The following CPA6 variants were observed in gnomAD, a reference collection of about 807,000 sequenced individuals.
The protein encoded by CPA6 is carboxypeptidase A6, also known as carboxypeptidase B.
Under a neutral mutation model 63.3 loss-of-function variants are expected in CPA6, and 58 were observed. The ratio of observed to expected loss-of-function variants is 0.92; its 90% confidence interval spans 0.74 to 1.14. The LOEUF is 1.14. CPA6 is among the 50% of genes most tolerant of loss of function. The pLI is 0.00. For missense variants in CPA6, 565 were observed against 526.6 expected (o/e 1.07, Z -0.71); for synonymous variants, 185 against 179.0 (o/e 1.03, Z -0.27).
At chr8:67,426,996 A>C (rs571548779) in intron 10 of CPA6, among the ~76,000 whole-genome samples, 14 of 152,220 alleles carry the variant, frequency 9.2e-5, no homozygotes, top group Admixed American at 7.9e-4. Flanking sequence ...CCCACTTGGA[A>C]GGACATGCCA....
intron 2 of CPA6, among the ~76,000 whole-genome samples, chr8:67,537,402 T>G (rs1443985321): frequency 1.3e-5 from 2 of 152,224 alleles, no homozygotes; most frequent in Non-Finnish European, 2.9e-5. Flanking sequence ...GGCATTTGAC[T>G]TCTTCCTGGT....
intron 1 of CPA6, among the ~76,000 whole-genome samples, chr8:67,722,740 T>C (rs1484260917): frequency 6.6e-6 from 1 of 152,086 alleles, no homozygotes; most frequent in African/African-American, 2.4e-5. Flanking sequence ...CCTCATCATG[T>C]GTTGGGAAGA....
intron 8 of CPA6, among the ~76,000 whole-genome samples, chr8:67,481,672 C>T (rs1389351432): frequency 3.9e-5 from 6 of 152,190 alleles, no homozygotes; most frequent in Non-Finnish European, 7.4e-5. Flanking sequence ...GGCATTTCTA[C>T]GTCATTTATG....
chr8:67,574,521 T>C (rs963272967), intron 2 of CPA6, among the ~76,000 whole-genome samples: 2 of 152,094 alleles, frequency 1.3e-5, no homozygotes, highest in African/African-American at 4.8e-5. Context: ...TAAAAGAGCA[T>C]GGTACTAGCA....
chr8:67,605,204 A>G (rs145853808), intron 2 of CPA6, among the ~76,000 whole-genome samples: 1 of 152,216 alleles, frequency 6.6e-6, no homozygotes, highest in African/African-American at 2.4e-5. Context: ...GATTCATCCA[A>G]TGCCCAACAT....
chr8:67,595,207 C>A (rs1046927292), intron 2 of CPA6, among the ~76,000 whole-genome samples: 5 of 152,162 alleles, frequency 3.3e-5, no homozygotes, highest in African/African-American at 1.2e-4. Flanking sequence ...TTTTCGTGAT[C>A]CATGAATGCT....
intron 2 of CPA6, among the ~76,000 whole-genome samples, chr8:67,583,220 T>C (rs1441555763): frequency 6.6e-6 from 1 of 152,078 alleles, no homozygotes; most frequent in African/African-American, 2.4e-5. Context: ...CTATGGGTGT[T>C]GGTTAGTGGT....
At chr8:67,439,824 C>T (rs974193459) in intron 8 of CPA6, among the ~76,000 whole-genome samples, 2 of 152,056 alleles carry the variant, frequency 1.3e-5, no homozygotes, top group Admixed American at 1.3e-4. Flanking sequence ...TGAGGTCTTG[C>T]TATGTTGCCC....
chr8:67,591,527 G>A (rs1487971710), intron 2 of CPA6, among the ~76,000 whole-genome samples: 3 of 152,186 alleles, frequency 2.0e-5, no homozygotes, highest in Non-Finnish European at 4.4e-5. Flanking sequence ...AGCATGGAAT[G>A]TTCTTCCCTT....
chr8:67,474,325 G>A (rs750595205), intron 8 of CPA6, among the ~76,000 whole-genome samples: 11 of 151,998 alleles, frequency 7.2e-5, no homozygotes, highest in Admixed American at 1.3e-4. Context: ...GGATTCAAGC[G>A]ATTCTCCTGC....
chr8:67,728,133 CAAACAAAACAAAACA>C (rs71253025), intron 1 of CPA6, among the ~76,000 whole-genome samples: 16 of 147,638 alleles, frequency 1.1e-4, no homozygotes, highest in South Asian at 6.4e-4. Flanking sequence ...CAACAAAAAA[CAAACAAAACAAAACA>C]AAACAAAACA....
intron 2 of CPA6, among the ~76,000 whole-genome samples, chr8:67,571,786 C>T (rs74676647): frequency 0.019 from 2,924 of 151,554 alleles, 104 homozygotes; most frequent in African/African-American, 0.065. Context: ...AAAGGAAATA[C>T]AAAAAAGAAG....
At chr8:67,614,131 G>A (rs1311802805) in intron 2 of CPA6, among the ~76,000 whole-genome samples, 3 of 152,208 alleles carry the variant, frequency 2.0e-5, no homozygotes, top group East Asian at 1.9e-4. Context: ...AAAAGGCAGA[G>A]GGACCATTGA....
chr8:67,551,038 G>C (rs539262419), intron 2 of CPA6, among the ~76,000 whole-genome samples: 2 of 151,874 alleles, frequency 1.3e-5, no homozygotes, highest in Non-Finnish European at 2.9e-5. Context: ...TCTTTATTTA[G>C]GTTCCACTTG....
At chr8:67,580,580 G>C (rs1050488469) in intron 2 of CPA6, among the ~76,000 whole-genome samples, 1 of 152,194 alleles carries the variant, frequency 6.6e-6, no homozygotes, top group African/African-American at 2.4e-5. Flanking sequence ...AATAAAGTCA[G>C]AGATGGGGGC....
intron 2 of CPA6, among the ~76,000 whole-genome samples, chr8:67,548,328 T>G (rs1230406828): frequency 6.6e-6 from 1 of 150,756 alleles, no homozygotes; most frequent in Non-Finnish European, 1.5e-5. Flanking sequence ...CTCTGCTCAC[T>G]GCAGCCTTCA....
chr8:67,471,935 G>C (rs866459979), intron 8 of CPA6, among the ~76,000 whole-genome samples: 1 of 152,056 alleles, frequency 6.6e-6, no homozygotes, highest in African/African-American at 2.4e-5. Flanking sequence ...AAAAATCAAA[G>C]CACTTATATA....
At chr8:67,745,903 G>A in intron 1 of CPA6, 111 bp downstream of exon 1, 4 of 641,924 alleles carry the variant, frequency 6.2e-6, no homozygotes, top group Non-Finnish European at 1.1e-5. Context: ...GTGAAAGTGT[G>A]CAGATTCACT....
At chr8:67,435,597 CCTGA>C (rs1475856091) in intron 8 of CPA6, among the ~76,000 whole-genome samples, 2 of 151,516 alleles carry the variant, frequency 1.3e-5, no homozygotes, top group African/African-American at 4.9e-5. Context: ...GATGGAGCTG[CCTGA>C]CTCAGTGTGT....
Sources: gnomAD v4.1 joint callset for allele counts (sites outside exome capture counted in the v4.1 genomes callset) on GRCh38, gnomAD v4.1.1 for gene constraint, MANE v1.5 for transcripts, NCBI Gene and HGNC (gene_info 2026-07-23, HGNC 2026-07-21) for gene names.